Variants in RBM47 observed in about 807,000 individuals in gnomAD.
RBM47 encodes the protein RNA-binding protein 47.
In RBM47, 21 loss-of-function variants were observed where a neutral mutation model predicts 47.1. That is an observed-to-expected ratio of 0.45 (90% confidence interval 0.32 to 0.64). The LOEUF (loss-of-function observed/expected upper bound fraction) is 0.64. Ranked by LOEUF, RBM47 falls within the 30% of genes least tolerant of loss-of-function variation. The probability of loss-of-function intolerance (pLI) is 0.05; values close to 1 mark genes in which losing one functional copy is unlikely to be tolerated. For missense variants in RBM47, 708 were observed against 870.9 expected (o/e 0.81, Z 2.35); for synonymous variants, 375 against 361.7 (o/e 1.04, Z -0.42).
chr4:40,506,762 T>C (rs1724150434), intron 2 of RBM47, among the ~76,000 whole-genome samples: 1 of 152,236 alleles, frequency 6.6e-6, no homozygotes, highest in Non-Finnish European at 1.5e-5. Flanking sequence ...CTAAATACTT[T>C]GCTCTTTATT....
chr4:40,562,612 C>T (rs1323339185), intron 1 of RBM47, among the ~76,000 whole-genome samples: 4 of 151,790 alleles, frequency 2.6e-5, no homozygotes, highest in African/African-American at 4.8e-5. Flanking sequence ...ATTACAGGTG[C>T]GCGCCACCAC....
intron 1 of RBM47, among the ~76,000 whole-genome samples, chr4:40,591,103 G>T (rs1156598107): frequency 6.6e-6 from 1 of 152,118 alleles, no homozygotes; most frequent in Admixed American, 6.6e-5. Context: ...ACACCCTGCT[G>T]CATGGTTCCA....
chr4:40,512,841 C>T (rs1359443585), intron 2 of RBM47, among the ~76,000 whole-genome samples: 2 of 152,090 alleles, frequency 1.3e-5, no homozygotes, highest in East Asian at 1.9e-4. Flanking sequence ...TGGTATGGCT[C>T]TCTTTCCCTA....
chr4:40,625,516 T>C (rs567104413), intron 1 of RBM47, among the ~76,000 whole-genome samples: 11 of 152,328 alleles, frequency 7.2e-5, no homozygotes, highest in South Asian at 4.1e-4. Flanking sequence ...CCACTGCCCA[T>C]TGGTACATAT....
intron 1 of RBM47, among the ~76,000 whole-genome samples, chr4:40,544,712 T>C (rs1476136428): frequency 6.6e-6 from 1 of 152,176 alleles, no homozygotes; most frequent in Non-Finnish European, 1.5e-5. Flanking sequence ...TCACATCATT[T>C]TGCCAGCTCT....
intron 1 of RBM47, among the ~76,000 whole-genome samples, chr4:40,615,024 G>T (rs1297044422): frequency 1.3e-5 from 2 of 152,166 alleles, no homozygotes; most frequent in African/African-American, 4.8e-5. Context: ...ACTTTGGGAG[G>T]CTGAGGCAGA....
chr4:40,509,677 C>T (rs1008921208), intron 2 of RBM47, among the ~76,000 whole-genome samples: 2 of 149,154 alleles, frequency 1.3e-5, no homozygotes, highest in East Asian at 2.0e-4. Context: ...GTCAGGAGAT[C>T]GAGACCATCC....
chr4:40,593,161 A>AT (rs35067384), intron 1 of RBM47, among the ~76,000 whole-genome samples: 5,637 of 142,866 alleles, frequency 0.039, 178 homozygotes, highest in Non-Finnish European at 0.059. Flanking sequence ...CGCCAGGCTA[A>AT]TTTTTTTTTT....
intron 1 of RBM47, among the ~76,000 whole-genome samples, chr4:40,561,544 C>CTTTTTTTTTTTTT (rs796381156): frequency 2.4e-5 from 3 of 124,572 alleles, no homozygotes; most frequent in African/African-American, 3.4e-5. Context: ...TTCTTCTTTT[C>CTTTTTTTTTTTTT]TTTTTTTTTT....
At chr4:40,545,820 A>T (rs1422857365) in intron 1 of RBM47, among the ~76,000 whole-genome samples, 1 of 152,060 alleles carries the variant, frequency 6.6e-6, no homozygotes, top group Non-Finnish European at 1.5e-5. Context: ...TAGCTGGTTG[A>T]TCTTGGGCAT....
rs1161415957 is a variant in RBM47, at chr4:40,481,471, ATTATTATTATTATTATTT to A, written c.-154-14790_-154-14773del. Among the ~76,000 whole-genome samples the A allele has an allele frequency of 1.4e-3, 172 of 127,142 alleles. 1 individual carries two copies. The highest frequency in any genetic ancestry group is 3.3e-3 in the Admixed American group (40 of 11,944). The allele number at this position is 127,142 out of a possible 152,430, so 83.4% of individuals were successfully genotyped here. On this transcript the variant is annotated intron_variant, in intron 2 of 6. Coordinates refer to ENST00000295971, the MANE Select transcript of RBM47 (RefSeq NM_001098634.2). ...TATTATTATTATTATTATTATTATTATTATTATTATTATTATTTTTATTTTTATTTTTGAGATGTACTC... is the reference window on the plus strand; with the variant it reads ...TATTATTATTATTATTATTATTATTATTATTTTTATTTTTGAGATGTACTC...
chr4:40,481,474 A>ATTT (rs1214975605), intron 2 of RBM47, among the ~76,000 whole-genome samples: 1 of 126,888 alleles, frequency 7.9e-6, no homozygotes, highest in Non-Finnish European at 1.7e-5. Context: ...TATTATTATT[A>ATTT]TTATTATTAT....
chr4:40,584,641 T>A (rs1029964927), intron 1 of RBM47, among the ~76,000 whole-genome samples: 2 of 152,142 alleles, frequency 1.3e-5, no homozygotes, highest in Non-Finnish European at 2.9e-5. Flanking sequence ...GCATAAAATT[T>A]ACAGTAAAAA....
intron 1 of RBM47, among the ~76,000 whole-genome samples, chr4:40,612,711 T>C (rs1372635384): frequency 6.6e-6 from 1 of 152,168 alleles, no homozygotes; most frequent in African/African-American, 2.4e-5. Flanking sequence ...TCAGTACACA[T>C]CATTTTCCCA....
In RBM47 at chr4:40,560,262, G is replaced by C. The variant is rs188074032; in HGVS notation, c.-239-15756C>G. ...GAAAAGTGCAGAAAACTCTTAAAAT[G>C]CTTTCTGTGCTGCCTAAGGTTCTGA... On this transcript the variant is annotated intron_variant, in intron 1 of 6. Transcript: ENST00000295971. 5.3e-4 allele frequency among the ~76,000 whole-genome samples: 80 copies of C among 152,290 alleles called. No individual in the cohort carries two copies. In the East Asian group the frequency reaches 0.014, roughly 28 times the overall value.
intron 2 of RBM47, among the ~76,000 whole-genome samples, chr4:40,538,329 T>C (rs997497723): frequency 2.0e-5 from 1 of 49,540 alleles, no homozygotes; most frequent in Non-Finnish European, 3.2e-5. Flanking sequence ...ATTGGTATTG[T>C]TTTTTTTTTT....
intron 1 of RBM47, among the ~76,000 whole-genome samples, chr4:40,624,027 T>C (rs1006672222): frequency 1.3e-5 from 2 of 152,174 alleles, no homozygotes; most frequent in African/African-American, 4.8e-5. Flanking sequence ...AATTTTTGTA[T>C]TTTTTGTAGA....
At chr4:40,452,647 A>G (rs538804225) in intron 3 of RBM47, among the ~76,000 whole-genome samples, 33 of 151,916 alleles carry the variant, frequency 2.2e-4, no homozygotes, top group Middle Eastern at 3.4e-3. Flanking sequence ...TCTACCGTCT[A>G]TTATAAACAT....
chr4:40,575,552 CA>C lies in RBM47; in HGVS notation c.-239-31047del, dbSNP rs33963787. 1.2e-3 allele frequency among the ~76,000 whole-genome samples: 117 copies of C among 98,334 alleles called. 3 individuals carry two copies. The highest frequency in any genetic ancestry group is 2.4e-3 in the Admixed American group (20 of 8,398). The allele number at this position is 98,334 out of a possible 152,430, so 64.5% of individuals were successfully genotyped here. A position where few individuals can be genotyped will look rare whatever the true frequency, so the allele number is the denominator to read the frequency against. ...GGGCAACAAGAGCGAAACTCCATCT[CA>C]AAAAAAAAAAAAAAACTACCAAGGA... On this transcript the variant is annotated intron_variant, in intron 1 of 6. Transcript: ENST00000295971.
Sources: allele counts gnomAD v4.1 joint callset (sites outside exome capture counted in the v4.1 genomes callset), GRCh38; gene constraint gnomAD v4.1.1; transcripts MANE v1.5; gene names NCBI Gene and HGNC (gene_info 2026-07-23, HGNC 2026-07-21).